RANBP3L: variants seen among roughly 807,000 people sequenced by gnomAD.
RANBP3L encodes the protein RAN binding protein 3 like, also known as ran-binding protein 3-like.
RANBP3L carries 56 observed loss-of-function variants against 67.2 expected under a neutral mutation model. The observed-to-expected ratio is 0.83, with a 90% CI of 0.67 to 1.04. The LOEUF (loss-of-function observed/expected upper bound fraction) is 1.04. Among genes scored for constraint, RANBP3L ranks in the 50% least tolerant of loss-of-function variants. The probability of loss-of-function intolerance (pLI) is 0.00; values close to 1 mark genes in which losing one functional copy is unlikely to be tolerated. For missense variants in RANBP3L, 496 were observed against 535.5 expected (o/e 0.93, Z 0.73); for synonymous variants, 164 against 181.4 (o/e 0.90, Z 0.77).
chr5:36,278,883 G>A (rs1232810344), intron 1 of RANBP3L, among the ~76,000 whole-genome samples: 1 of 152,060 alleles, frequency 6.6e-6, no homozygotes, highest in Admixed American at 6.6e-5. Context: ...TTATTTACAT[G>A]AACAAATTTT....
In RANBP3L at chr5:36,296,982, T is replaced by A. The variant is rs77736370; in HGVS notation, c.91+4344A>T. ...GCCTTCATAATTGTGGGAGTGAATTTCTTAAAATAAATCCCCCTCTCTCTC... is the reference window on the plus strand; with the variant it reads ...GCCTTCATAATTGTGGGAGTGAATTACTTAAAATAAATCCCCCTCTCTCTC... On this transcript the variant is annotated intron_variant, in intron 1 of 13. Transcript: ENST00000296604. Among the ~76,000 whole-genome samples, 647 of 152,252 alleles carry A rather than the reference T, an allele frequency of 4.2e-3. 8 individuals carry two copies. The highest frequency in any genetic ancestry group is 6.0e-3 in the Non-Finnish European group (411 of 68,028).
rs1748409326 is a variant in RANBP3L, at chr5:36,248,590, C to T, written c.*1064G>A. 1 of 152,136 alleles carries T rather than the reference C, an allele frequency of 6.6e-6. No individual in the cohort carries two copies. Among genetic ancestry groups the T allele is most frequent in the Admixed American group, 6.6e-5 (1 of 15,266 alleles). The allele number at this position is 152,136 out of a possible 1,614,324, so 9.4% of individuals were successfully genotyped here. A position where few individuals can be genotyped will look rare whatever the true frequency, so the allele number is the denominator to read the frequency against. On this transcript the variant is annotated 3_prime_UTR_variant, in exon 14 of 14. Coordinates refer to ENST00000296604, the MANE Select transcript of RANBP3L (RefSeq NM_145000.5). ...TACGCCCTCATTCCAAATATGTTGT[C>T]ATTGTTCAGAACATTTTCAGAAACA...
At position 36,293,769 on chromosome 5, in the gene RANBP3L, T is replaced by C. The variant is rs201304829; in HGVS notation, c.91+7557A>G. The stretch of plus-strand genomic sequence containing the variant: ...ATGAAGCCCACTTGATCATGGTGGA[T>C]AAGCTTTTTGATATGCTGCTGGATT... On this transcript the variant is annotated intron_variant, in intron 1 of 13. Transcript: ENST00000296604. Among the ~76,000 whole-genome samples, 2,080 of 148,840 alleles carry C rather than the reference T, an allele frequency of 0.014. 166 individuals are homozygous for C. In the East Asian group the frequency reaches 0.23, roughly 16 times the overall value.
chr5:36,274,225 A>G lies in RANBP3L; in HGVS notation c.92-2914T>C, dbSNP rs147861323. Among the ~76,000 whole-genome samples, 157 of 152,300 alleles carry G rather than the reference A, an allele frequency of 1.0e-3. 4 individuals carry two copies. In the South Asian group the frequency reaches 0.021, roughly 21 times the overall value. On this transcript the variant is annotated intron_variant, in intron 1 of 13. Coordinates refer to ENST00000296604, the MANE Select transcript of RANBP3L (RefSeq NM_145000.5). ...TTAACATGGATAAAGCAGAAAAGAA[A>G]ACAGATGTAGTCCCTGCCTTTTATA...
chr5:36,268,264 G>C (rs2111858877), intron 4 of RANBP3L: 1 of 1,531,470 alleles, frequency 6.5e-7, no homozygotes, highest in South Asian at 1.2e-5. Context: ...AGACAAGGTT[G>C]ACACTAAAAG....
intron 8 of RANBP3L, among the ~76,000 whole-genome samples, chr5:36,258,604 T>G (rs1223729764): frequency 6.6e-6 from 1 of 152,196 alleles, no homozygotes; most frequent in African/African-American, 2.4e-5. Flanking sequence ...ATTACCAACT[T>G]AAAGAGATAG....
At chr5:36,294,048 G>C (rs558456159) in intron 1 of RANBP3L, among the ~76,000 whole-genome samples, 4 of 152,142 alleles carry the variant, frequency 2.6e-5, no homozygotes, top group Non-Finnish European at 2.9e-5. Context: ...TTTTTGGTTG[G>C]TAAGCTATTG....
At chr5:36,296,598 A>G (rs1272813477) in intron 1 of RANBP3L, among the ~76,000 whole-genome samples, 2 of 152,210 alleles carry the variant, frequency 1.3e-5, no homozygotes, top group Non-Finnish European at 2.9e-5. Flanking sequence ...ACCTTGGAAG[A>G]GTCATCTTGA....
chr5:36,249,529 T>C lies in RANBP3L; in HGVS notation c.*125A>G. 2.1e-6 allele frequency: 1 copy of C among 481,768 alleles called. No homozygotes were observed. Among genetic ancestry groups the C allele is most frequent in the Non-Finnish European group, 3.8e-6 (1 of 263,846 alleles). The allele number at this position is 481,768 out of a possible 1,614,324, so 29.8% of individuals were successfully genotyped here. A position where few individuals can be genotyped will look rare whatever the true frequency, so the allele number is the denominator to read the frequency against. On this transcript the variant is annotated 3_prime_UTR_variant, in exon 14 of 14. Coordinates refer to ENST00000296604, the MANE Select transcript of RANBP3L (RefSeq NM_145000.5). ...AATGTTAATTGCAACAAATTACATT[T>C]CTTAAACTTTTCTATAAAAACTCTT... is the stretch of plus-strand genomic sequence containing the variant.
chr5:36,291,366 A>AT (rs930081455), intron 1 of RANBP3L, among the ~76,000 whole-genome samples: 12 of 145,772 alleles, frequency 8.2e-5, no homozygotes, highest in East Asian at 2.0e-4. Flanking sequence ...TTTTATTTTT[A>AT]TTTTTTTTCA....
chr5:36,278,151 G>T (rs182133617), intron 1 of RANBP3L, among the ~76,000 whole-genome samples: 1 of 152,168 alleles, frequency 6.6e-6, no homozygotes, highest in Admixed American at 6.5e-5. Flanking sequence ...TGTTAGCTCT[G>T]GGGGAAGTGC....
chr5:36,269,537 A>G (rs1334316149), intron 3 of RANBP3L, 70 bp from the exon 4 acceptor site: 9 of 899,324 alleles, frequency 1.0e-5, no homozygotes, highest in Non-Finnish European at 1.7e-5. Context: ...ATGATAGGGT[A>G]GGATAAACAG....
Position 36,261,958 on chromosome 5 carries a change from A to G in RANBP3L, c.565T>C (p.Leu189=). ...ACTTACCCTACTGATGTTGCACCTA[A>G]AAAGTCCTGGTTAGTAGACAGCTGG... ...SVQLSTNQDF[L]GATSVGCQPN... is the part of the protein sequence containing the mutation. Residue 189 remains leucine (L), a synonymous_variant, in exon 7 of 14, where the codon TTA becomes CTA. Coordinates refer to ENST00000296604, the MANE Select transcript of RANBP3L (RefSeq NM_145000.5). 1 of 1,580,646 alleles carries G rather than the reference A, an allele frequency of 6.3e-7. No homozygotes were observed. The highest frequency in any genetic ancestry group is 8.7e-7 in the Non-Finnish European group (1 of 1,152,656).
At chr5:36,265,415 A>C (rs779529953) in intron 5 of RANBP3L, 34 bp downstream of exon 5, 5 of 1,387,820 alleles carry the variant, frequency 3.6e-6, no homozygotes, top group Non-Finnish European at 5.1e-6. Flanking sequence ...TAAAATATAC[A>C]ATTTCTGAGG....
intron 12 of RANBP3L, among the ~76,000 whole-genome samples, chr5:36,253,267 G>C (rs965403834): frequency 1.3e-5 from 2 of 151,976 alleles, no homozygotes; most frequent in African/African-American, 2.4e-5. Context: ...TGACCTAAAG[G>C]CTTTTTTCAA....
intron 6 of RANBP3L, 97 bp from the exon 7 acceptor site, chr5:36,262,139 G>C (rs948580969): frequency 7.6e-6 from 5 of 654,734 alleles, no homozygotes; most frequent in African/African-American, 7.3e-5. Flanking sequence ...TATATTGAAA[G>C]CTTACTATGT....
In RANBP3L at chr5:36,269,438, G is replaced by T; in HGVS notation, c.220C>A (p.Arg74=). 1.3e-6 allele frequency: 2 copies of T among 1,578,274 alleles called. No homozygotes were observed. Among genetic ancestry groups the T allele is most frequent in the Non-Finnish European group, 1.7e-6 (2 of 1,147,150 alleles). Residue 74 remains arginine, a synonymous_variant, in exon 4 of 14, where the codon CGG becomes AGG. Coordinates refer to ENST00000296604, the MANE Select transcript of RANBP3L (RefSeq NM_145000.5). The part of the protein sequence containing the change: ...ECNGFPTKRV[R]SSSFTFHITD... ...ATATGAAAAGTAAAAGATGAAGACC[G>T]TACACGCTTTGTTGGAAAACCATTA...
intron 1 of RANBP3L, among the ~76,000 whole-genome samples, chr5:36,281,501 G>C (rs1270143725): frequency 1.3e-5 from 2 of 152,074 alleles, no homozygotes. Context: ...TTTCTTCCTG[G>C]CTTCCATTGT....
chr5:36,271,511 G>A (rs1167868965), intron 1 of RANBP3L, among the ~76,000 whole-genome samples, 200 bp from the exon 2 acceptor site: 3 of 152,092 alleles, frequency 2.0e-5, no homozygotes, highest in Non-Finnish European at 4.4e-5. Context: ...ATACTTGGGG[G>A]AAATGATAGC....
Sources: allele counts gnomAD v4.1 joint callset (sites outside exome capture counted in the v4.1 genomes callset), GRCh38; gene constraint gnomAD v4.1.1; transcripts MANE v1.5; gene names NCBI Gene and HGNC (gene_info 2026-07-23, HGNC 2026-07-21).